DAB1: variants seen among roughly 807,000 people sequenced by gnomAD.
DAB1 encodes the protein disabled homolog 1.
A neutral mutation model predicts 64.6 loss-of-function variants in DAB1; 15 were observed. That is an observed-to-expected ratio of 0.23 (90% CI 0.16 to 0.36). The LOEUF (loss-of-function observed/expected upper bound fraction) is 0.36. DAB1 is among the 10% of genes least tolerant of loss of function. The probability of loss-of-function intolerance (pLI) is 1.00; values close to 1 mark genes in which losing one functional copy is unlikely to be tolerated. For missense variants in DAB1, 596 were observed against 706.7 expected (o/e 0.84, Z 1.78); for synonymous variants, 235 against 251.9 (o/e 0.93, Z 0.64).
At chr1:57,773,417 G>A (rs1649653726) in intron 6 of DAB1, among the ~76,000 whole-genome samples, 2 of 151,634 alleles carry the variant, frequency 1.3e-5, no homozygotes, top group South Asian at 4.2e-4. Flanking sequence ...TTATTTGCCA[G>A]ACAAACACTT....
intron 5 of DAB1, among the ~76,000 whole-genome samples, chr1:58,063,422 A>G (rs967125202): frequency 6.6e-6 from 1 of 152,062 alleles, no homozygotes; most frequent in African/African-American, 2.4e-5. Context: ...TTCAGAGAGG[A>G]CTCTGTAGAC....
At chr1:57,109,338 C>G (rs551573835) in intron 4 of DAB1, among the ~76,000 whole-genome samples, 5 of 152,318 alleles carry the variant, frequency 3.3e-5, no homozygotes, top group African/African-American at 1.2e-4. Context: ...TTCCAAGAAA[C>G]TCCCTTAGTT....
At chr1:57,958,440 T>C (rs1307959346) in intron 5 of DAB1, among the ~76,000 whole-genome samples, 1 of 152,104 alleles carries the variant, frequency 6.6e-6, no homozygotes, top group Non-Finnish European at 1.5e-5. Context: ...CCAAGAGAAA[T>C]ACCTGCCTCC....
At chr1:57,240,921 G>A (rs1163243722) in intron 2 of DAB1, among the ~76,000 whole-genome samples, 1 of 152,138 alleles carries the variant, frequency 6.6e-6, no homozygotes, top group East Asian at 1.9e-4. Context: ...GATAAATGCA[G>A]ACCTCTCCCC....
intron 6 of DAB1, among the ~76,000 whole-genome samples, chr1:57,671,301 T>C (rs1646507663): frequency 6.6e-6 from 1 of 152,092 alleles, no homozygotes; most frequent in South Asian, 2.1e-4. Flanking sequence ...CTTTTTGGCA[T>C]AGGGGAAAAT....
At position 57,741,000 on chromosome 1, in the gene DAB1, A is replaced by G. The variant is rs1040850609; in HGVS notation, n.552-91335T>C. ...GGTGGGGTGTTGAAGGATGAAACTG[A>G]TTCATTAAGACCAATTTGGTTGACA... On this transcript the variant is annotated intron_variant and non_coding_transcript_variant, in intron 6 of 20. Transcript: ENST00000485760. Among the ~76,000 whole-genome samples the G allele has an allele frequency of 1.1e-4, 16 of 152,134 alleles. 1 individual carries two copies. In the South Asian group the frequency reaches 1.5e-3, roughly 14 times the overall value.
intron 9 of DAB1, among the ~76,000 whole-genome samples, chr1:57,045,781 G>T (rs949227194): frequency 9.2e-5 from 14 of 152,172 alleles, no homozygotes; most frequent in Admixed American, 7.2e-4. Context: ...TGAAAAAAAG[G>T]ATAATTCTAG....
chr1:58,508,766 T>C (rs960117586), intron 2 of DAB1, among the ~76,000 whole-genome samples: 4 of 152,070 alleles, frequency 2.6e-5, no homozygotes, highest in Non-Finnish European at 4.4e-5. Context: ...ACACAAGCAG[T>C]TGCCATGACC....
intron 1 of DAB1, among the ~76,000 whole-genome samples, chr1:57,313,630 T>C (rs535807547): frequency 6.6e-6 from 1 of 152,340 alleles, no homozygotes; most frequent in Non-Finnish European, 1.5e-5. Flanking sequence ...AGTAGTTTAA[T>C]ACAAAGCTGA....
intron 1 of DAB1, among the ~76,000 whole-genome samples, chr1:57,295,503 A>C (rs1673120514): frequency 2.0e-5 from 3 of 152,182 alleles, no homozygotes; most frequent in Admixed American, 2.0e-4. Flanking sequence ...ACAAGGCCCA[A>C]AGGTTTATAA....
At chr1:58,544,915 T>G (rs1473858916) in intron 1 of DAB1, among the ~76,000 whole-genome samples, 1 of 152,152 alleles carries the variant, frequency 6.6e-6, no homozygotes, top group African/African-American at 2.4e-5. Flanking sequence ...TTTTTTAATT[T>G]TTTTCTGTAG....
chr1:58,509,609 A>AG (rs1169950942), intron 2 of DAB1, among the ~76,000 whole-genome samples: 4 of 151,612 alleles, frequency 2.6e-5, no homozygotes, highest in Non-Finnish European at 5.9e-5. Flanking sequence ...AGAAAAAAAA[A>AG]AAAGGACTAA....
At chr1:57,732,178 TG>T (rs138183418) in intron 6 of DAB1, among the ~76,000 whole-genome samples, 12,502 of 152,148 alleles carry the variant, frequency 0.082, 578 homozygotes, top group Non-Finnish European at 0.097. Flanking sequence ...GCAATTATTG[TG>T]GGGGTATCAT....
At chr1:57,059,138 T>C (rs1650130748) in intron 9 of DAB1, among the ~76,000 whole-genome samples, 1 of 152,228 alleles carries the variant, frequency 6.6e-6, no homozygotes, top group South Asian at 2.1e-4. Context: ...GTGGATATGT[T>C]CTCATGTTAT....
intron 7 of DAB1, among the ~76,000 whole-genome samples, chr1:57,543,008 A>G (rs555393670): frequency 1.9e-4 from 29 of 152,226 alleles, no homozygotes; most frequent in African/African-American, 7.0e-4. Context: ...CCTCCTGCCA[A>G]CAATTCTGGG....
intron 7 of DAB1, among the ~76,000 whole-genome samples, chr1:57,617,106 T>C (rs952645551): frequency 6.6e-6 from 1 of 152,156 alleles, no homozygotes; most frequent in Non-Finnish European, 1.5e-5. Flanking sequence ...CTTGGTACCC[T>C]GCCCAGACTC....
intron 5 of DAB1, among the ~76,000 whole-genome samples, chr1:58,108,730 A>C (rs994135922): frequency 1.3e-5 from 2 of 152,194 alleles, no homozygotes; most frequent in Admixed American, 1.3e-4. Flanking sequence ...AAAAAATTTC[A>C]ATTCCAAAAA....
intron 4 of DAB1, among the ~76,000 whole-genome samples, chr1:58,165,023 T>C (rs1241292374): frequency 6.6e-6 from 1 of 152,216 alleles, no homozygotes; most frequent in African/African-American, 2.4e-5. Flanking sequence ...AGCATAGTTC[T>C]GGCCACTCTA....
chr1:58,472,956 A>G (rs566811969), intron 3 of DAB1, among the ~76,000 whole-genome samples: 1 of 152,316 alleles, frequency 6.6e-6, no homozygotes, highest in South Asian at 2.1e-4. Flanking sequence ...AGGCCCCTAA[A>G]GGAATAAACC....
Sources: allele counts gnomAD v4.1 joint callset (sites outside exome capture counted in the v4.1 genomes callset), GRCh38; gene constraint gnomAD v4.1.1; transcripts MANE v1.5; gene names NCBI Gene and HGNC (gene_info 2026-07-23, HGNC 2026-07-21).